The following ECHDC1 variants were observed in gnomAD, a reference collection of about 807,000 sequenced individuals.
ECHDC1 encodes the protein ethylmalonyl-CoA decarboxylase 1.
In ECHDC1, 29 loss-of-function variants were observed where a neutral mutation model predicts 29.7. The observed-to-expected ratio is 0.98, with a 90% confidence interval of 0.73 to 1.33. ECHDC1 has a LOEUF of 1.33. Among genes scored for constraint, ECHDC1 ranks in the 40% most tolerant of loss-of-function variants. ECHDC1 has a pLI of 0.00. For missense variants in ECHDC1, 328 were observed against 350.0 expected (o/e 0.94, Z 0.50); for synonymous variants, 126 against 123.1 (o/e 1.02, Z -0.15).
intron 3 of ECHDC1, among the ~76,000 whole-genome samples, chr6:127,322,393 C>T (rs1214899793): frequency 6.6e-6 from 1 of 152,162 alleles, no homozygotes; most frequent in East Asian, 1.9e-4. Flanking sequence ...CACCATTCCA[C>T]ATTTCCTTGA....
At chr6:127,338,333 T>C (rs1784615683) in intron 1 of ECHDC1, among the ~76,000 whole-genome samples, 2 of 152,130 alleles carry the variant, frequency 1.3e-5, no homozygotes, top group South Asian at 2.1e-4. Context: ...CTCAAATATC[T>C]AATTGAAAAT....
intron 1 of ECHDC1, among the ~76,000 whole-genome samples, chr6:127,335,617 C>G (rs1583014460): frequency 6.6e-6 from 1 of 151,960 alleles, no homozygotes; most frequent in Non-Finnish European, 1.5e-5. Context: ...TTTGTATCCT[C>G]CCTCCCTCCC....
At position 127,288,780 on chromosome 6, in the gene ECHDC1, A is replaced by G. The variant is rs1460409728; in HGVS notation, c.*1089T>C. On this transcript the variant is annotated 3_prime_UTR_variant, in exon 6 of 6. Coordinates refer to ENST00000454859, the MANE Select transcript of ECHDC1 (RefSeq NM_001002030.2). Reference sequence around the variant, plus strand: ...TATGGCCAAATAGTATTGGGTTGACACAGTAATCTAGAGTTTACCTCTGAA... The same window carrying G: ...TATGGCCAAATAGTATTGGGTTGACGCAGTAATCTAGAGTTTACCTCTGAA... 1 of 152,130 alleles carries G rather than the reference A, an allele frequency of 6.6e-6. No individual in the cohort carries two copies. Among genetic ancestry groups the G allele is most frequent in the Non-Finnish European group, 1.5e-5 (1 of 67,974 alleles). The allele number at this position is 152,130 out of a possible 1,614,324, so 9.4% of individuals were successfully genotyped here.
At chr6:127,335,043 C>T (rs577030470) in intron 1 of ECHDC1, among the ~76,000 whole-genome samples, 6 of 152,116 alleles carry the variant, frequency 3.9e-5, no homozygotes, top group East Asian at 3.9e-4. Context: ...TAACTCATCA[C>T]GCAGCCAAAA....
intron 5 of ECHDC1, among the ~76,000 whole-genome samples, chr6:127,297,556 A>G (rs1330390104): frequency 6.6e-6 from 1 of 152,178 alleles, no homozygotes; most frequent in African/African-American, 2.4e-5. Flanking sequence ...ATAAGAAAGC[A>G]AGGCCCAACA....
At chr6:127,316,637 C>A in intron 3 of ECHDC1, 135 bp from the exon 4 acceptor site, 1 of 671,548 alleles carries the variant, frequency 1.5e-6, no homozygotes, top group Non-Finnish European at 2.4e-6. Context: ...ATTTAAAACT[C>A]TTTGATGTTG....
intron 5 of ECHDC1, among the ~76,000 whole-genome samples, chr6:127,301,836 T>C (rs1306868900): frequency 1.3e-5 from 2 of 152,162 alleles, no homozygotes; most frequent in Non-Finnish European, 2.9e-5. Context: ...TTTTGTAAAA[T>C]ATAACAAAAA....
rs1156783209 is a variant in ECHDC1, at chr6:127,290,240, T to C, written c.535A>G (p.Lys179Glu). The C allele has an allele frequency of 6.2e-7, 1 of 1,613,484 alleles. No individual in the cohort carries two copies. The highest frequency in any genetic ancestry group is 1.7e-5 in the Admixed American group (1 of 59,898). ...TPESKIRFVH[K>E]EMGIIPSWGG... ...CAGCTTGGTATTATGCCCATCTCTT[T>C]GTGGACGAATCTGATCTTACTCTCT... Residue 179 changes from lysine (K) to glutamate (E), a missense_variant, in exon 6 of 6, where the codon AAA (lysine) becomes GAA (glutamate). Transcript: ENST00000454859.
chr6:127,329,691 A>G (rs1783735235), intron 2 of ECHDC1: 1 of 305,878 alleles, frequency 3.3e-6, no homozygotes, highest in South Asian at 2.8e-5. Flanking sequence ...AATTGTTTAT[A>G]TTAGTGACAT....
chr6:127,313,303 A>T (rs1444641087), intron 5 of ECHDC1: 7 of 199,218 alleles, frequency 3.5e-5, no homozygotes, highest in Non-Finnish European at 7.5e-5. Flanking sequence ...TCCCAGGTTC[A>T]AGCAATCCTT....
At chr6:127,315,292 A>G (rs1782270764) in intron 4 of ECHDC1, 1 of 363,416 alleles carries the variant, frequency 2.8e-6, no homozygotes, top group South Asian at 2.1e-5. Context: ...TTTTGTTGGT[A>G]TCAGGTTAAA....
chr6:127,323,176 TTA>T (rs954080063), intron 3 of ECHDC1, among the ~76,000 whole-genome samples: 1 of 151,464 alleles, frequency 6.6e-6, no homozygotes, highest in Admixed American at 6.6e-5. Flanking sequence ...GGATATCTCA[TTA>T]TATATATATA....
Position 127,311,789 on chromosome 6 carries a change from G to GA in ECHDC1, c.497+3026dup, listed in dbSNP as rs34759372. Among the ~76,000 whole-genome samples the GA allele has an allele frequency of 9.4e-4, 126 of 134,136 alleles. No individual in the cohort carries two copies. In the East Asian group the frequency reaches 0.01, roughly 11 times the overall value. 88.0% of individuals were successfully genotyped at this position (134,136 alleles called of 152,430 possible). On this transcript the variant is annotated intron_variant, in intron 5 of 5. Transcript: ENST00000454859. ...CAGATCTTGACTGAATCCTGGACCA[G>GA]AAAAAAAAAAAAACATTAGTATGAT...
At position 127,289,707 on chromosome 6, in the gene ECHDC1, G is replaced by A; in HGVS notation, c.*162C>T. On this transcript the variant is annotated 3_prime_UTR_variant, in exon 6 of 6. Coordinates refer to ENST00000454859, the MANE Select transcript of ECHDC1 (RefSeq NM_001002030.2). Reference sequence around the variant, plus strand: ...AAATACCCAAGTGAGTAATTGGCAAGAAATGAGGTAAATGAGTTCAGATAT... The same window carrying A: ...AAATACCCAAGTGAGTAATTGGCAAAAAATGAGGTAAATGAGTTCAGATAT... The A allele has an allele frequency of 1.4e-6, 1 of 738,408 alleles. No homozygotes were observed. The allele number at this position is 738,408 out of a possible 1,614,324, so 45.7% of individuals were successfully genotyped here.
Position 127,330,950 on chromosome 6 carries a change from T to A in ECHDC1, c.79A>T (p.Ser27Cys). The part of the protein sequence containing the change: ...LLHQTGLSLY[S>C]TSHGFYEEEV... ...TCCTCATAAAATCCATGGGATGTAC[T>A]ATAAAGTGACAATCCTGTTTGATGT... The change falls in exon 2 of 6, where the codon AGT (serine) becomes TGT (cysteine). Residue 27 changes from serine to cysteine, a missense_variant. Transcript: ENST00000454859. 1 of 1,614,148 alleles carries A rather than the reference T, an allele frequency of 6.2e-7. No individual in the cohort carries two copies. The highest frequency in any genetic ancestry group is 8.5e-7 in the Non-Finnish European group (1 of 1,180,024).
intron 5 of ECHDC1, chr6:127,313,493 A>C: frequency 2.3e-6 from 1 of 436,646 alleles, no homozygotes; most frequent in Non-Finnish European, 4.6e-6. Context: ...ATGAGCCACC[A>C]CGCCAGGCTT....
intron 5 of ECHDC1, among the ~76,000 whole-genome samples, chr6:127,294,102 C>T (rs1334909811): frequency 1.3e-5 from 2 of 152,022 alleles, no homozygotes; most frequent in African/African-American, 4.8e-5. Flanking sequence ...TTAGAACTGT[C>T]CAATACAAGT....
intron 5 of ECHDC1, among the ~76,000 whole-genome samples, chr6:127,302,189 C>G (rs554557347): frequency 1.3e-5 from 2 of 152,100 alleles, no homozygotes; most frequent in Non-Finnish European, 2.9e-5. Context: ...TGCTATTGTG[C>G]TTTTTTGTCC....
At chr6:127,304,627 GACAA>G (rs528204268) in intron 5 of ECHDC1, among the ~76,000 whole-genome samples, 141 of 152,232 alleles carry the variant, frequency 9.3e-4, no homozygotes, top group African/African-American at 2.9e-3. Flanking sequence ...TAGCTGTTTT[GACAA>G]AACTCAAAGA....
Sources: allele counts gnomAD v4.1 joint callset (sites outside exome capture counted in the v4.1 genomes callset), GRCh38; gene constraint gnomAD v4.1.1; transcripts MANE v1.5; gene names NCBI Gene and HGNC (gene_info 2026-07-23, HGNC 2026-07-21).